The following KHDRBS2 variants were observed in gnomAD, a reference collection of about 807,000 sequenced individuals.
KHDRBS2 encodes KH RNA binding domain containing, signal transduction associated 2, also known as KH domain-containing, RNA-binding, signal transduction-associated protein 2.
A neutral mutation model predicts 44.3 loss-of-function variants in KHDRBS2; 26 were observed. The ratio of observed to expected loss-of-function variants is 0.59; its 90% CI spans 0.43 to 0.81. The LOEUF (loss-of-function observed/expected upper bound fraction) is 0.81, where lower values mean the gene tolerates loss of function less well. Among genes scored for constraint, KHDRBS2 ranks in the 40% least tolerant of loss-of-function variants. The pLI is 0.00. For synonymous variants in KHDRBS2, 194 were observed against 151.1 expected (o/e 1.28, Z -2.08); for missense variants, 476 against 433.1 (o/e 1.10, Z -0.88).
Position 62,134,735 on chromosome 6 carries a change from T to A in KHDRBS2, c.219+42450A>T, listed in dbSNP as rs577108218. ...ACCCACCTCTTGCATCAGCATGACC[T>A]GGATGTGAGACATGTAGTCAAAGGA... On this transcript the variant is annotated intron_variant, in intron 2 of 8. Transcript: ENST00000281156. 4.6e-5 allele frequency among the ~76,000 whole-genome samples: 7 copies of A among 152,286 alleles called. No individual in the cohort carries two copies. The East Asian group carries it at 5.8e-4, about 13-fold the overall frequency.
At chr6:62,102,378 A>G (rs1584709392) in intron 2 of KHDRBS2, among the ~76,000 whole-genome samples, 1 of 152,178 alleles carries the variant, frequency 6.6e-6, no homozygotes, top group South Asian at 2.1e-4. Flanking sequence ...AGTGGCTTCC[A>G]CTGCAGGCAC....
At position 62,078,790 on chromosome 6, in the gene KHDRBS2, G is replaced by T. The variant is rs563112134; in HGVS notation, c.220-30796C>A. ...AGTTTCTACTTCCATGATGTTAAAAGGTTTTAAAGTGCTTTGATGCAAAAT... is the reference window on the plus strand; with the variant it reads ...AGTTTCTACTTCCATGATGTTAAAATGTTTTAAAGTGCTTTGATGCAAAAT... On this transcript the variant is annotated intron_variant, in intron 2 of 8. Transcript: ENST00000281156. Among the ~76,000 whole-genome samples the T allele has an allele frequency of 6.6e-5, 10 of 151,992 alleles. No individual in the cohort carries two copies. In the East Asian group the frequency reaches 1.6e-3, roughly 24 times the overall value.
At chr6:62,212,679 A>T (rs573260812) in intron 1 of KHDRBS2, among the ~76,000 whole-genome samples, 1 of 152,300 alleles carries the variant, frequency 6.6e-6, no homozygotes, top group Admixed American at 6.5e-5. Context: ...GTCAAAGAAT[A>T]CTTGAGATTA....
At chr6:61,844,976 G>T (rs1457069157) in intron 6 of KHDRBS2, among the ~76,000 whole-genome samples, 2 of 152,064 alleles carry the variant, frequency 1.3e-5, no homozygotes, top group African/African-American at 2.4e-5. Flanking sequence ...GCTTTATATT[G>T]TTTTTGCTGC....
At chr6:61,607,298 T>C in the KHDRBS2 span, among the ~76,000 whole-genome samples, 1 of 151,094 alleles carries the variant, frequency 6.6e-6, no homozygotes, top group Non-Finnish European at 1.5e-5. Flanking sequence ...AAAAATAATA[T>C]AATACATAAC....
chr6:61,618,082 G>A, the KHDRBS2 span, among the ~76,000 whole-genome samples: 1 of 152,114 alleles, frequency 6.6e-6, no homozygotes, highest in Admixed American at 6.5e-5. Context: ...AAAATAATAA[G>A]CAATGTTTTT....
chr6:61,778,082 C>A (rs1019630237), intron 6 of KHDRBS2, among the ~76,000 whole-genome samples: 1 of 152,092 alleles, frequency 6.6e-6, no homozygotes, highest in African/African-American at 2.4e-5. Context: ...TATTGGAAGT[C>A]CTAGCCAGAG....
At chr6:62,228,944 G>A (rs148744179) in intron 1 of KHDRBS2, among the ~76,000 whole-genome samples, 104 of 152,250 alleles carry the variant, frequency 6.8e-4, no homozygotes, top group African/African-American at 2.4e-3. Context: ...CCTGTATAGG[G>A]TATCTGACAA....
chr6:61,568,387 G>A, the KHDRBS2 span, among the ~76,000 whole-genome samples: 2 of 152,130 alleles, frequency 1.3e-5, no homozygotes, highest in Non-Finnish European at 2.9e-5. Flanking sequence ...TGACACTGGT[G>A]AGAGGGTGTG....
the KHDRBS2 span, among the ~76,000 whole-genome samples, chr6:61,580,814 T>TA: frequency 6.6e-6 from 1 of 152,100 alleles, no homozygotes; most frequent in African/African-American, 2.4e-5. Flanking sequence ...GAACAAACTC[T>TA]AGATGCACCA....
intron 2 of KHDRBS2, among the ~76,000 whole-genome samples, chr6:62,067,121 C>G (rs2127339166): frequency 6.6e-6 from 1 of 151,510 alleles, no homozygotes; most frequent in African/African-American, 2.4e-5. Flanking sequence ...GAATTGGGGA[C>G]TGAGCAGATT....
chr6:61,922,107 T>G (rs78425288), intron 4 of KHDRBS2, among the ~76,000 whole-genome samples: 1,554 of 152,184 alleles, frequency 0.01, 39 homozygotes, highest in African/African-American at 0.035. Context: ...TTGAAATATT[T>G]ATAATTTCTA....
the KHDRBS2 span, among the ~76,000 whole-genome samples, chr6:61,587,752 C>G: frequency 1.3e-5 from 2 of 152,162 alleles, no homozygotes; most frequent in Middle Eastern, 3.2e-3. Context: ...CAGAACATAT[C>G]TTTACACTAA....
chr6:61,901,317 C>A lies in KHDRBS2; in HGVS notation c.538G>T (p.Gly180Cys). The change falls in exon 5 of 9, where the codon GGC becomes TGC. Residue 180 changes from glycine (G) to cysteine (C), a missense_variant. Transcript: ENST00000281156. ...CTGCCACGACCAGAGTCCTCTGAGC[C>A]ATTTAAGTAAGATAATTCACGTAGT... ...EQLRELSYLN[G>C]SEDSGRGRGI... The A allele has an allele frequency of 1.2e-6, 2 of 1,612,958 alleles. No homozygotes were observed. The highest frequency in any genetic ancestry group is 2.2e-5 in the South Asian group (2 of 91,040).
intron 6 of KHDRBS2, among the ~76,000 whole-genome samples, chr6:61,782,689 G>GTGTGTATATA (rs1189465280): frequency 9.0e-6 from 1 of 111,122 alleles, no homozygotes. Context: ...TAAAGGTTGT[G>GTGTGTATATA]TATATATATA....
At chr6:61,674,701 AT>A in the KHDRBS2 span, among the ~76,000 whole-genome samples, 5 of 151,620 alleles carry the variant, frequency 3.3e-5, no homozygotes, top group South Asian at 2.1e-4. Flanking sequence ...TTACTACATG[AT>A]TTTTTTGCAG....
chr6:62,095,967 T>C (rs1257507757), intron 2 of KHDRBS2, among the ~76,000 whole-genome samples: 3 of 151,994 alleles, frequency 2.0e-5, no homozygotes, highest in Non-Finnish European at 4.4e-5. Context: ...TATTCATCTA[T>C]TCGGATGATC....
intron 3 of KHDRBS2, among the ~76,000 whole-genome samples, chr6:62,017,962 G>A (rs1189169706): frequency 2.6e-5 from 4 of 151,676 alleles, no homozygotes; most frequent in African/African-American, 7.3e-5. Flanking sequence ...GCAAGTTACC[G>A]AAGACACATG....
chr6:61,851,258 G>A (rs1238857626), intron 6 of KHDRBS2, among the ~76,000 whole-genome samples: 1 of 100,522 alleles, frequency 9.9e-6, no homozygotes, highest in African/African-American at 3.7e-5. Flanking sequence ...TGTGTATATA[G>A]GTGTATATAT....
Sources: allele counts gnomAD v4.1 joint callset (sites outside exome capture counted in the v4.1 genomes callset), GRCh38; gene constraint gnomAD v4.1.1; transcripts MANE v1.5; gene names NCBI Gene and HGNC (gene_info 2026-07-23, HGNC 2026-07-21).